The following CELSR1 variants were observed in gnomAD, a reference collection of about 807,000 sequenced individuals.
CELSR1 encodes the protein cadherin EGF LAG seven-pass G-type receptor 1.
CELSR1 carries 110 observed loss-of-function variants against 249.1 expected under a neutral mutation model. The observed-to-expected ratio is 0.44, with a 90% CI of 0.38 to 0.52. The LOEUF (loss-of-function observed/expected upper bound fraction) is 0.52. Among genes scored for constraint, CELSR1 ranks in the 20% least tolerant of loss-of-function variants. The probability of loss-of-function intolerance (pLI) is 0.00; values close to 1 mark genes in which losing one functional copy is unlikely to be tolerated. For synonymous variants in CELSR1, 2,113 were observed against 1,900.0 expected, an observed-to-expected ratio of 1.11 and a Z score of -2.92; for missense variants, 4,109 against 4,296.4, an observed-to-expected ratio of 0.96 and a Z score of 1.22.
At position 46,434,534 on chromosome 22, in the gene CELSR1, G is replaced by A. The variant is rs1187819604; in HGVS notation, c.4523-1053C>T. On this transcript the variant is annotated intron_variant, in intron 4 of 34. Coordinates refer to ENST00000674500, the MANE Select transcript of CELSR1 (RefSeq NM_001378328.1). This position sits in a 1 kb window ranked among gnomAD's most constrained non-coding sequence, Gnocchi z 4.9. Reference sequence around the variant, plus strand: ...ACCTCTCCCATGGTGGTTGGCTGCTGTTACAGGTGCCTCCCTTTCTTTATT... The same window carrying A: ...ACCTCTCCCATGGTGGTTGGCTGCTATTACAGGTGCCTCCCTTTCTTTATT... Among the ~76,000 whole-genome samples, 1 of 152,238 alleles carries A rather than the reference G, an allele frequency of 6.6e-6. No homozygotes were observed. Among genetic ancestry groups the A allele is most frequent in the Non-Finnish European group, 1.5e-5 (1 of 68,044 alleles).
chr22:46,438,356 C>T (rs111859938), intron 3 of CELSR1, among the ~76,000 whole-genome samples: 20 of 152,224 alleles, frequency 1.3e-4, no homozygotes, highest in African/African-American at 3.6e-4. Context: ...AGCAGCTAGG[C>T]GCCCCCCAAC....
intron 2 of CELSR1, among the ~76,000 whole-genome samples, chr22:46,457,346 G>GGC (rs1569177582): frequency 1.4e-4 from 22 of 151,868 alleles, no homozygotes; most frequent in African/African-American, 5.3e-4. Context: ...CTCATCTCGG[G>GGC]GGCGGGGAAA....
intron 1 of CELSR1, among the ~76,000 whole-genome samples, chr22:46,499,412 A>G (rs2080444927): frequency 2.6e-5 from 4 of 152,188 alleles, no homozygotes; most frequent in African/African-American, 9.6e-5. Context: ...ATTGGCAAAA[A>G]TCTTAGACAA....
intron 12 of CELSR1, among the ~76,000 whole-genome samples, chr22:46,397,140 G>A (rs1203720260): frequency 6.6e-6 from 1 of 152,104 alleles, no homozygotes; most frequent in Non-Finnish European, 1.5e-5. Context: ...GTCTTGCTCT[G>A]TTGCCCAGGC....
chr22:46,519,099 A>G (rs1987827054), intron 1 of CELSR1, among the ~76,000 whole-genome samples: 1 of 151,984 alleles, frequency 6.6e-6, no homozygotes, highest in South Asian at 2.1e-4. Flanking sequence ...CACGACCCGG[A>G]AAACATGACA....
chr22:46,394,959 C>T (rs1389488239), intron 13 of CELSR1, among the ~76,000 whole-genome samples: 7 of 152,210 alleles, frequency 4.6e-5, no homozygotes, highest in African/African-American at 4.8e-5. Flanking sequence ...GCTGCACCTG[C>T]GCAGTCACCT....
intron 1 of CELSR1, among the ~76,000 whole-genome samples, chr22:46,494,266 C>T (rs567590869): frequency 5.3e-5 from 8 of 152,294 alleles, no homozygotes; most frequent in South Asian, 2.1e-4. Context: ...CCAACCAAGT[C>T]CTCCCACCTC....
At chr22:46,502,163 T>A (rs1266345042) in intron 1 of CELSR1, among the ~76,000 whole-genome samples, 1 of 150,700 alleles carries the variant, frequency 6.6e-6, no homozygotes, top group East Asian at 2.0e-4. Flanking sequence ...CTCAGGAGGC[T>A]GAGGTGGGAG....
In CELSR1 at chr22:46,433,485, C is replaced by A. The variant is rs2079620821; in HGVS notation, c.4523-4G>T. 1.9e-6 allele frequency: 3 copies of A among 1,612,660 alleles called. No homozygotes were observed. The African/African-American group carries it at 4.0e-5, about 22-fold the overall frequency. On this transcript the variant is annotated splice_polypyrimidine_tract_variant and splice_region_variant and intron_variant, in intron 4 of 34. Coordinates refer to ENST00000674500, the MANE Select transcript of CELSR1 (RefSeq NM_001378328.1). The surrounding 1 kb of genome is among the most constrained non-coding windows in gnomAD (Gnocchi z 5.7). ...GCCACGGTCGTTGTTGTCTCGCCTG[C>A]ATGGTGGGAGGGAGACCCAGAGAGA...
chr22:46,534,275 G>T lies in CELSR1; in HGVS notation c.2896C>A (p.Leu966Ile), dbSNP rs1434430676. ...CCCCGATCCACAGCCAGAGCCCAAA[G>T]GTTGTACACGGCCACATTCTCCCGG... is the stretch of plus-strand genomic sequence containing the variant. Reference protein sequence around the residue: ...LDRENVAVYNLWALAVDRGSP... With the variant: ...LDRENVAVYNIWALAVDRGSP... Residue 966 changes from leucine (L) to isoleucine (I), a missense_variant, in exon 1 of 35, where the codon CTT becomes ATT. Transcript: ENST00000674500. The surrounding 1 kb of genome is among the most constrained non-coding windows in gnomAD (Gnocchi z 9.7). The T allele has an allele frequency of 6.2e-7, 1 of 1,613,228 alleles. No homozygotes were observed. The highest frequency in any genetic ancestry group is 1.3e-5 in the African/African-American group (1 of 74,946).
intron 28 of CELSR1, 68 bp from the exon 29 acceptor site, chr22:46,367,186 GCA>G: frequency 6.4e-7 from 1 of 1,553,198 alleles, no homozygotes; most frequent in Non-Finnish European, 8.7e-7. Context: ...AGGCGCCCCA[GCA>G]CAGATGCGCA....
intron 2 of CELSR1, among the ~76,000 whole-genome samples, chr22:46,450,638 G>A (rs959931806): frequency 1.3e-5 from 2 of 152,290 alleles, no homozygotes; most frequent in Non-Finnish European, 2.9e-5. Flanking sequence ...TTGCAGGGAC[G>A]GGTCCAGTGA....
intron 5 of CELSR1, among the ~76,000 whole-genome samples, chr22:46,420,510 C>A (rs1281156480): frequency 6.6e-6 from 1 of 152,214 alleles, no homozygotes; most frequent in Non-Finnish European, 1.5e-5. Context: ...GTGGACACAC[C>A]CACTCACATC....
intron 1 of CELSR1, among the ~76,000 whole-genome samples, chr22:46,501,299 C>T (rs189228871): frequency 3.6e-4 from 53 of 149,238 alleles, no homozygotes; most frequent in African/African-American, 1.2e-3. Context: ...TTCCACCTCC[C>T]GATTCAAGCC....
At chr22:46,400,254 G>C (rs1284024997) in intron 9 of CELSR1, among the ~76,000 whole-genome samples, 1 of 152,056 alleles carries the variant, frequency 6.6e-6, no homozygotes, top group Non-Finnish European at 1.5e-5. Flanking sequence ...GCTTGAACCT[G>C]GGAGGTGGAG....
intron 2 of CELSR1, among the ~76,000 whole-genome samples, chr22:46,442,659 C>G (rs2079765548): frequency 6.6e-6 from 1 of 152,226 alleles, no homozygotes; most frequent in Admixed American, 6.5e-5. Context: ...TTCCAATGAG[C>G]TTTTGAAGAA....
At position 46,395,838 on chromosome 22, in the gene CELSR1, C is replaced by T. The variant is rs2147270644; in HGVS notation, c.5843+767G>A. Among the ~76,000 whole-genome samples the T allele has an allele frequency of 6.6e-6, 1 of 152,328 alleles. No homozygotes were observed. On this transcript the variant is annotated intron_variant, in intron 13 of 34. Coordinates refer to ENST00000674500, the MANE Select transcript of CELSR1 (RefSeq NM_001378328.1). This position sits in a 1 kb window ranked among gnomAD's most constrained non-coding sequence, Gnocchi z 5.5. ...CAAAGTGACGCTTGTGATGACTACG[C>T]ACCTGTACCCAGCGATCCCCGTGCA...
chr22:46,491,262 C>CTTT lies in CELSR1; in HGVS notation c.3545-26920_3545-26918dup, dbSNP rs58492957. Among the ~76,000 whole-genome samples, 1,056 of 118,552 alleles carry CTTT rather than the reference C, an allele frequency of 8.9e-3. 32 individuals are homozygous for CTTT. The highest frequency in any genetic ancestry group is 0.033 in the African/African-American group (997 of 30,498). The allele number at this position is 118,552 out of a possible 152,430, so 77.8% of individuals were successfully genotyped here. A position where few individuals can be genotyped will look rare whatever the true frequency, so the allele number is the denominator to read the frequency against. On this transcript the variant is annotated intron_variant, in intron 1 of 34. Transcript: ENST00000674500. ...CTAAAGAAATCTAGCCAGAAAGTCA[C>CTTT]TTTTTTTTTTTTTTTTTTTGAGACA...
chr22:46,364,331 G>C, intron 33 of CELSR1, 80 bp from the exon 34 acceptor site: 1 of 1,561,652 alleles, frequency 6.4e-7, no homozygotes, highest in Non-Finnish European at 8.6e-7. Context: ...AGCTGAGCCA[G>C]CCTCAGCCCC....
Sources: gnomAD v4.1 joint callset for allele counts (sites outside exome capture counted in the v4.1 genomes callset) on GRCh38, gnomAD v4.1.1 for gene constraint, Gnocchi (gnomAD v3.1) non-coding constraint, MANE v1.5 for transcripts, NCBI Gene and HGNC (gene_info 2026-07-23, HGNC 2026-07-21) for gene names.